The following ATP8B4 variants were observed in gnomAD, a reference collection of about 807,000 sequenced individuals.
The protein encoded by ATP8B4 is ATPase phospholipid transporting 8B4 (putative).
Under a neutral mutation model 145.6 loss-of-function variants are expected in ATP8B4, and 133 were observed. That is an observed-to-expected ratio of 0.91 (90% CI 0.79 to 1.05). The LOEUF (loss-of-function observed/expected upper bound fraction) is 1.05. Among genes scored for constraint, ATP8B4 ranks in the 50% least tolerant of loss-of-function variants. The probability of loss-of-function intolerance (pLI) is 0.00; values close to 1 mark genes in which losing one functional copy is unlikely to be tolerated. For synonymous variants in ATP8B4, 507 were observed against 492.9 expected (o/e 1.03, Z -0.38); for missense variants, 1,458 against 1,425.2 (o/e 1.02, Z -0.37).
chr15:49,932,545 AC>A (rs2041364227), intron 15 of ATP8B4, among the ~76,000 whole-genome samples: 2 of 152,090 alleles, frequency 1.3e-5, no homozygotes, highest in Admixed American at 1.3e-4. Flanking sequence ...ACTGCTACAA[AC>A]AACTATAAAA....
intron 2 of ATP8B4, among the ~76,000 whole-genome samples, chr15:50,084,081 T>C (rs2054733221): frequency 6.6e-6 from 1 of 152,140 alleles, no homozygotes; most frequent in Non-Finnish European, 1.5e-5. Flanking sequence ...CGTAGCCATA[T>C]ACAAACCATG....
chr15:49,897,307 A>G lies in ATP8B4; in HGVS notation c.2682T>C (p.Cys894=). 6.2e-7 allele frequency: 1 copy of G among 1,610,714 alleles called. No individual in the cohort carries two copies. Among genetic ancestry groups the G allele is most frequent in the South Asian group, 1.1e-5 (1 of 90,300 alleles). Residue 894 remains cysteine (C), a synonymous_variant, in exon 23 of 28, where the codon TGT becomes TGC. Coordinates refer to ENST00000284509, the MANE Select transcript of ATP8B4 (RefSeq NM_024837.4). ...TLVHFWFGFF[C]GFSAQTVYDQ... ...TTTTACCAACCTGGGCTGAGAAACC[A>G]CAGAAGAAACCAAACCAGAAATGCA...
chr15:49,865,115 C>T (rs571662420), intron 26 of ATP8B4, among the ~76,000 whole-genome samples: 18 of 152,140 alleles, frequency 1.2e-4, no homozygotes, highest in Non-Finnish European at 2.4e-4. Context: ...TCAGCCCCAG[C>T]CTCTAATCTC....
At chr15:50,054,635 T>A (rs78458197) in intron 3 of ATP8B4, among the ~76,000 whole-genome samples, 1 of 151,200 alleles carries the variant, frequency 6.6e-6, no homozygotes, top group African/African-American at 2.4e-5. Context: ...TACAAAAAAA[T>A]TGGCCGTGTG....
intron 3 of ATP8B4, among the ~76,000 whole-genome samples, chr15:50,068,609 ACC>A (rs2053537913): frequency 2.0e-5 from 3 of 152,150 alleles, no homozygotes; most frequent in African/African-American, 7.2e-5. Flanking sequence ...CTGCCTACCT[ACC>A]TTTGTGCATT....
Position 50,097,924 on chromosome 15 carries a change from C to A in ATP8B4, c.28+9015G>T, listed in dbSNP as rs79791223. Reference sequence around the variant, plus strand: ...ATTTTACGTTCATGCTCACAGTAACCTTCAGAGGTAAACATTAGTCCCATT... The same window carrying A: ...ATTTTACGTTCATGCTCACAGTAACATTCAGAGGTAAACATTAGTCCCATT... On this transcript the variant is annotated intron_variant, in intron 2 of 27. Transcript: ENST00000284509. Among the ~76,000 whole-genome samples the A allele has an allele frequency of 3.2e-3, 490 of 152,230 alleles. 9 individuals are homozygous for A. In the East Asian group the frequency reaches 0.051, roughly 16 times the overall value.
intron 2 of ATP8B4, among the ~76,000 whole-genome samples, chr15:50,080,805 T>C (rs2054495303): frequency 6.6e-6 from 1 of 151,928 alleles, no homozygotes; most frequent in Admixed American, 6.6e-5. Flanking sequence ...CCCATAAAAA[T>C]GAGAGTTTAA....
chr15:50,099,526 C>T (rs907691385), intron 2 of ATP8B4, among the ~76,000 whole-genome samples: 3 of 152,202 alleles, frequency 2.0e-5, no homozygotes, highest in African/African-American at 7.2e-5. Context: ...AGCGATCCTC[C>T]TACCTCAGCC....
At chr15:50,051,510 T>G (rs1199914882) in intron 3 of ATP8B4, among the ~76,000 whole-genome samples, 1 of 152,186 alleles carries the variant, frequency 6.6e-6, no homozygotes, top group African/African-American at 2.4e-5. Flanking sequence ...ATTAATGTAC[T>G]GAAAACCGTT....
intron 2 of ATP8B4, among the ~76,000 whole-genome samples, chr15:50,083,067 C>A (rs1427820765): frequency 4.0e-5 from 6 of 151,848 alleles, no homozygotes; most frequent in African/African-American, 1.5e-4. Context: ...GGGGAAGAGC[C>A]CTCTCATCAA....
intron 3 of ATP8B4, among the ~76,000 whole-genome samples, chr15:50,071,388 A>C (rs1454480175): frequency 6.6e-6 from 1 of 152,242 alleles, no homozygotes; most frequent in Non-Finnish European, 1.5e-5. Context: ...AAAAGAGCGT[A>C]TCACTTTACA....
chr15:49,874,551 A>C (rs1478155945), intron 25 of ATP8B4, among the ~76,000 whole-genome samples: 5 of 152,152 alleles, frequency 3.3e-5, no homozygotes, highest in Admixed American at 6.5e-5. Flanking sequence ...GTCTGAAGCA[A>C]ATGGATTTGG....
chr15:50,092,343 T>C (rs1241188961), intron 2 of ATP8B4, among the ~76,000 whole-genome samples: 1 of 152,116 alleles, frequency 6.6e-6, no homozygotes, highest in Non-Finnish European at 1.5e-5. Context: ...TTACAATATC[T>C]AGCGTTCAAT....
At chr15:49,915,308 T>G (rs923243921) in intron 20 of ATP8B4, among the ~76,000 whole-genome samples, 4 of 152,108 alleles carry the variant, frequency 2.6e-5, no homozygotes, top group African/African-American at 9.7e-5. Context: ...GAAGGTTGTA[T>G]GGGTGGGAAT....
In ATP8B4 at chr15:49,914,997, T is replaced by C. The variant is rs950267938; in HGVS notation, c.2141+1937A>G. Among the ~76,000 whole-genome samples the C allele has an allele frequency of 2.0e-5, 3 of 152,118 alleles. No individual in the cohort carries two copies. In the East Asian group the frequency reaches 5.8e-4, roughly 29 times the overall value. Reference sequence around the variant, plus strand: ...AAATGAAATTACTATATCAAAGGGATATCTGCACCCCATGTTTACTGTAGC... The same window carrying C: ...AAATGAAATTACTATATCAAAGGGACATCTGCACCCCATGTTTACTGTAGC... On this transcript the variant is annotated intron_variant, in intron 20 of 27. Coordinates refer to ENST00000284509, the MANE Select transcript of ATP8B4 (RefSeq NM_024837.4).
chr15:50,021,118 T>TGATAGATA (rs113258750), intron 6 of ATP8B4, among the ~76,000 whole-genome samples: 4,058 of 146,840 alleles, frequency 0.028, 91 homozygotes, highest in Non-Finnish European at 0.031. Flanking sequence ...ATGGTGATTA[T>TGATAGATA]GATAGATAGA....
intron 1 of ATP8B4, among the ~76,000 whole-genome samples, chr15:50,170,838 T>G (rs1292585070): frequency 1.3e-5 from 2 of 152,184 alleles, no homozygotes; most frequent in Admixed American, 6.5e-5. Context: ...AGGACTCACA[T>G]AAACTTACAG....
At chr15:49,877,190 A>G (rs1227875916) in intron 24 of ATP8B4, among the ~76,000 whole-genome samples, 1 of 152,222 alleles carries the variant, frequency 6.6e-6, no homozygotes, top group Non-Finnish European at 1.5e-5. Flanking sequence ...ACCAGGTCCC[A>G]AGAGAAACTA....
chr15:49,949,444 T>C (rs1364877145), intron 14 of ATP8B4, among the ~76,000 whole-genome samples: 2 of 152,152 alleles, frequency 1.3e-5, no homozygotes, highest in African/African-American at 4.8e-5. Context: ...TGAATGCGAG[T>C]TCATTCATGA....
Sources: allele counts gnomAD v4.1 joint callset (sites outside exome capture counted in the v4.1 genomes callset), GRCh38; gene constraint gnomAD v4.1.1; transcripts MANE v1.5; gene names NCBI Gene and HGNC (gene_info 2026-07-23, HGNC 2026-07-21).